Variants in SRARP observed in about 807,000 individuals in gnomAD.
SRARP encodes the protein steroid receptor-associated and regulated protein.
Under a neutral mutation model 3.6 loss-of-function variants are expected in SRARP, and 5 were observed. The observed-to-expected ratio is 1.39, with a 90% CI of 0.73 to 2.93. The LOEUF is 2.93. SRARP is among the 30% of genes most tolerant of loss of function. The pLI is 0.00. For synonymous variants in SRARP, 96 were observed against 91.6 expected (o/e 1.05, Z -0.27); for missense variants, 215 against 216.7 (o/e 0.99, Z 0.05).
At position 16,006,018 on chromosome 1, in the gene SRARP, C is replaced by T; in HGVS notation, c.182C>T (p.Ala61Val). Reference sequence around the variant, plus strand: ...AAGCAGCTCTCCCTGGCAGCAACCGCATCACCACCCCAAGCCCCCAGTCCC... The same window carrying T: ...AAGCAGCTCTCCCTGGCAGCAACCGTATCACCACCCCAAGCCCCCAGTCCC... The part of the protein sequence containing the change: ...HGKQLSLAAT[A>V]SPPQAPSPNR... Residue 61 changes from alanine to valine, a missense_variant, in exon 2 of 2, where the codon GCA becomes GTA. Physicochemically the swap from Ala to Val is moderately conservative, Grantham distance 64. Coordinates refer to ENST00000329454, the MANE Select transcript of SRARP (RefSeq NM_178840.4). 3 of 1,613,912 alleles carry T rather than the reference C, an allele frequency of 1.9e-6. No homozygotes were observed. Among genetic ancestry groups the T allele is most frequent in the Non-Finnish European group, 2.5e-6 (3 of 1,179,936 alleles).
chr1:16,006,497 C>A lies in SRARP; in HGVS notation c.*151C>A. ...TGAAACATCCGTCGAGTGGCAGAGG[C>A]AGGATAAGTCACCTGCACATGAAGA... is the stretch of plus-strand genomic sequence containing the variant. On this transcript the variant is annotated 3_prime_UTR_variant, in exon 2 of 2. Transcript: ENST00000329454. The A allele has an allele frequency of 1.2e-6, 1 of 814,164 alleles. No individual in the cohort carries two copies. The highest frequency in any genetic ancestry group is 1.9e-6 in the Non-Finnish European group (1 of 528,248). The allele number at this position is 814,164 out of a possible 1,614,324, so 50.4% of individuals were successfully genotyped here.
rs1763612 is a variant in SRARP at position 16,006,076 on chromosome 1, C to T, written c.240C>T (p.Thr80=). 106,079 of 1,613,888 alleles carry T rather than the reference C, an allele frequency of 0.066. 4,004 individuals are homozygous for T. Among genetic ancestry groups the T allele is most frequent in the South Asian group, 0.14 (12,633 of 91,002 alleles). ...NRGLVTPPMK[T]YIVFCGENWP... is the part of the protein sequence containing the mutation. ...GGCTTGTCACCCCACCAATGAAGAC[C>T]TACATCGTGTTCTGTGGGGAAAACT... Residue 80 remains threonine (T), a synonymous_variant, in exon 2 of 2, where the codon ACC becomes ACT. Coordinates refer to ENST00000329454, the MANE Select transcript of SRARP (RefSeq NM_178840.4).
chr1:16,006,161 A>G lies in SRARP; in HGVS notation c.325A>G (p.Thr109Ala). The change falls in exon 2 of 2, where the codon ACC becomes GCC. Residue 109 changes from threonine (T) to alanine (A), a missense_variant. Coordinates refer to ENST00000329454, the MANE Select transcript of SRARP (RefSeq NM_178840.4). ...GGGATGCCTTGCCCAGGCCAGGGCC[A>G]CCCTGCCGCTCTGCAGAGGGTCTGT... The part of the protein sequence containing the change: ...GGGCLAQARA[T>A]LPLCRGSVAS... The G allele has an allele frequency of 6.2e-7, 1 of 1,610,770 alleles. No individual in the cohort carries two copies. The highest frequency in any genetic ancestry group is 8.5e-7 in the Non-Finnish European group (1 of 1,179,074).
rs1162443608 is a variant in SRARP, at chr1:16,006,283, T to G, written c.447T>G (p.Thr149=). 3 of 1,613,626 alleles carry G rather than the reference T, an allele frequency of 1.9e-6. No individual in the cohort carries two copies. Among genetic ancestry groups the G allele is most frequent in the African/African-American group, 2.7e-5 (2 of 74,696 alleles). ...PVKAAPVRSS[T]WGTVKDSLKA... is the part of the protein sequence containing the mutation. ...AGGCTGCGCCTGTGAGGTCTTCAACTTGGGGAACAGTCAAGGACTCACTGA... is the reference window on the plus strand; with the variant it reads ...AGGCTGCGCCTGTGAGGTCTTCAACGTGGGGAACAGTCAAGGACTCACTGA... Residue 149 remains threonine, a synonymous_variant, in exon 2 of 2, where the codon ACT becomes ACG. Transcript: ENST00000329454.
chr1:16,004,710 T>G (rs1242744331), intron 1 of SRARP, among the ~76,000 whole-genome samples: 3 of 77,538 alleles, frequency 3.9e-5, no homozygotes, highest in African/African-American at 9.3e-5. Context: ...TGAGACTCCA[T>G]CTCAAAAAAA....
At chr1:16,005,284 C>T (rs1352036479) in intron 1 of SRARP, among the ~76,000 whole-genome samples, 1 of 152,160 alleles carries the variant, frequency 6.6e-6, no homozygotes, top group Non-Finnish European at 1.5e-5. Flanking sequence ...GCAGAATTGG[C>T]ATCCCCTGGG....
Position 16,006,616 on chromosome 1 carries a change from T to G in SRARP, c.*270T>G. ...GGAGATACCATGGTTTTCCTGGAGC[T>G]GGTATTTTTGGGGTGGAGGGAACCC... is the stretch of plus-strand genomic sequence containing the variant. On this transcript the variant is annotated 3_prime_UTR_variant, in exon 2 of 2. Transcript: ENST00000329454. 1 of 392,640 alleles carries G rather than the reference T, an allele frequency of 2.5e-6. No individual in the cohort carries two copies. 24.3% of individuals were successfully genotyped at this position (392,640 alleles called of 1,614,324 possible). A position where few individuals can be genotyped will look rare whatever the true frequency, so the allele number is the denominator to read the frequency against.
intron 1 of SRARP, 92 bp from the exon 2 acceptor site, chr1:16,005,827 C>T: frequency 1.5e-6 from 2 of 1,298,710 alleles, no homozygotes; most frequent in Non-Finnish European, 2.1e-6. Flanking sequence ...TGAGCCATGA[C>T]CTCCAGCCTG....
Position 16,007,918 on chromosome 1 carries a change from T to G in SRARP, c.*1572T>G, listed in dbSNP as rs1391127883. 6.6e-6 allele frequency: 1 copy of G among 152,226 alleles called. No homozygotes were observed. The highest frequency in any genetic ancestry group is 1.5e-5 in the Non-Finnish European group (1 of 68,052). 9.4% of individuals were successfully genotyped at this position (152,226 alleles called of 1,614,324 possible). On this transcript the variant is annotated 3_prime_UTR_variant, in exon 2 of 2. Transcript: ENST00000329454. ...AGAATGGACTCAAAGTTCCATAGAC[T>G]GGTACCATTGAGATTAGAACTCAGG...
At chr1:16,004,848 A>T (rs187464375) in intron 1 of SRARP, among the ~76,000 whole-genome samples, 1 of 152,000 alleles carries the variant, frequency 6.6e-6, no homozygotes, top group Non-Finnish European at 1.5e-5. Context: ...GTGCTAGCCA[A>T]CCTACTAGAA....
intron 1 of SRARP, among the ~76,000 whole-genome samples, chr1:16,004,865 C>A (rs574912130): frequency 6.6e-6 from 1 of 152,260 alleles, no homozygotes; most frequent in South Asian, 2.1e-4. Context: ...AGAACATAAG[C>A]TTCCTTCTGA....
In SRARP at chr1:16,007,407, T is replaced by C. The variant is rs2148835787; in HGVS notation, c.*1061T>C. 1 of 152,194 alleles carries C rather than the reference T, an allele frequency of 6.6e-6. No individual in the cohort carries two copies. The highest frequency in any genetic ancestry group is 1.5e-5 in the Non-Finnish European group (1 of 68,026). 9.4% of individuals were successfully genotyped at this position (152,194 alleles called of 1,614,324 possible). ...CCCTAAAGCAACCTATTTAAGGAAG[T>C]CAGTCTCAAAGCTCCCAGATAAAAA... On this transcript the variant is annotated 3_prime_UTR_variant, in exon 2 of 2. Transcript: ENST00000329454.
Position 16,006,999 on chromosome 1 carries a change from C to T in SRARP, c.*653C>T, listed in dbSNP as rs928719088. On this transcript the variant is annotated 3_prime_UTR_variant, in exon 2 of 2. Coordinates refer to ENST00000329454, the MANE Select transcript of SRARP (RefSeq NM_178840.4). The stretch of plus-strand genomic sequence containing the variant: ...GTCACTGCAAAGGCAGGGGATACCA[C>T]GTGGGGAGACTCGAGGGCCATGCCA... 6 of 151,928 alleles carry T rather than the reference C, an allele frequency of 3.9e-5. No homozygotes were observed. Among genetic ancestry groups the T allele is most frequent in the Non-Finnish European group, 7.4e-5 (5 of 68,020 alleles). 9.4% of individuals were successfully genotyped at this position (151,928 alleles called of 1,614,324 possible).
rs1394397317 is a variant in SRARP at position 16,005,915 on chromosome 1, C to G, written c.83-4C>G. On this transcript the variant is annotated splice_polypyrimidine_tract_variant and splice_region_variant and intron_variant, in intron 1 of 1. Coordinates refer to ENST00000329454, the MANE Select transcript of SRARP (RefSeq NM_178840.4). Reference sequence around the variant, plus strand: ...CTAACTTTTGGTCTTTTCCTCTCTTCTAGGTGGGAAGCTGGCTGGCCATCA... The same window carrying G: ...CTAACTTTTGGTCTTTTCCTCTCTTGTAGGTGGGAAGCTGGCTGGCCATCA... 1 of 1,564,424 alleles carries G rather than the reference C, an allele frequency of 6.4e-7. No individual in the cohort carries two copies. The highest frequency in any genetic ancestry group is 1.9e-5 in the Admixed American group (1 of 52,816).
At position 16,005,967 on chromosome 1, in the gene SRARP, C is replaced by T; in HGVS notation, c.131C>T (p.Thr44Ile). The T allele has an allele frequency of 1.2e-6, 2 of 1,609,610 alleles. No homozygotes were observed. Among genetic ancestry groups the T allele is most frequent in the Non-Finnish European group, 1.7e-6 (2 of 1,177,652 alleles). ...HQKTVPTAHL[T>I]FVIDCTHGKQ... ...AAGACCGTCCCCACGGCTCACCTGA[C>T]TTTTGTTATTGACTGCACCCACGGG... The change falls in exon 2 of 2, where the codon ACT (threonine) becomes ATT (isoleucine). Residue 44 changes from threonine (T) to isoleucine (I), a missense_variant. Physicochemically the swap from Thr to Ile is moderately conservative, Grantham distance 89. Coordinates refer to ENST00000329454, the MANE Select transcript of SRARP (RefSeq NM_178840.4).
At chr1:16,005,651 T>A (rs1433998252) in intron 1 of SRARP, among the ~76,000 whole-genome samples, 1 of 152,100 alleles carries the variant, frequency 6.6e-6, no homozygotes, top group Non-Finnish European at 1.5e-5. Context: ...GGCAGAAGGA[T>A]TTCTTGAGTC....
intron 1 of SRARP, among the ~76,000 whole-genome samples, chr1:16,004,613 T>C (rs1739833): frequency 0.7 from 105,801 of 150,806 alleles, 37,429 homozygotes; most frequent in East Asian, 0.97. Flanking sequence ...ACTCAGGAGG[T>C]TGAGGCAGGA....
At chr1:16,004,904 T>C (rs1372546712) in intron 1 of SRARP, among the ~76,000 whole-genome samples, 1 of 152,124 alleles carries the variant, frequency 6.6e-6, no homozygotes, top group Non-Finnish European at 1.5e-5. Context: ...AGCACGTAGC[T>C]AAGAGAATGG....
rs761759004 is a variant in SRARP, at chr1:16,006,228, A to C, written c.392A>C (p.Glu131Ala). 6.2e-6 allele frequency: 10 copies of C among 1,613,770 alleles called. No individual in the cohort carries two copies. In the South Asian group the frequency reaches 1.1e-4, roughly 18 times the overall value. Reference sequence around the variant, plus strand: ...CCAGTCAGCCCGCTCTGCCCCCAGGAGGTTCCCGAGGCTAAGGGGAAACCC... The same window carrying C: ...CCAGTCAGCCCGCTCTGCCCCCAGGCGGTTCCCGAGGCTAAGGGGAAACCC... Reference protein sequence around the residue: ...SFPVSPLCPQEVPEAKGKPVK... With the variant: ...SFPVSPLCPQAVPEAKGKPVK... Residue 131 changes from glutamate (E) to alanine (A), a missense_variant, in exon 2 of 2, where the codon GAG becomes GCG. By Grantham distance (107) the Glu-to-Ala change is moderately radical. Transcript: ENST00000329454.
Sources: gnomAD v4.1 joint callset for allele counts (sites outside exome capture counted in the v4.1 genomes callset) on GRCh38, gnomAD v4.1.1 for gene constraint, MANE v1.5 for transcripts, NCBI Gene and HGNC (gene_info 2026-07-23, HGNC 2026-07-21) for gene names.